PRKCZ: variants seen among roughly 807,000 people sequenced by gnomAD.
PRKCZ encodes the protein protein kinase C zeta, also known as protein kinase C zeta type.
In PRKCZ, 33 loss-of-function variants were observed where a neutral mutation model predicts 79.5. That is an observed-to-expected ratio of 0.41 (90% CI 0.31 to 0.55). The LOEUF is 0.55. Among genes scored for constraint, PRKCZ ranks in the 20% least tolerant of loss-of-function variants. The pLI, the probability that PRKCZ is intolerant of heterozygous loss-of-function variation, is 0.19. For missense variants in PRKCZ, 578 were observed against 813.5 expected, an observed-to-expected ratio of 0.71 and a Z score of 3.52; for synonymous variants, 342 against 320.9, an observed-to-expected ratio of 1.07 and a Z score of -0.70.
intron 10 of PRKCZ, among the ~76,000 whole-genome samples, chr1:2,159,123 G>T (rs976490630): frequency 7.9e-5 from 12 of 152,150 alleles, no homozygotes; most frequent in African/African-American, 2.9e-4. Context: ...AACGGGGTGA[G>T]CTCCGGGTTG....
intron 4 of PRKCZ, among the ~76,000 whole-genome samples, chr1:2,113,661 G>C (rs1670183732): frequency 6.6e-6 from 1 of 152,194 alleles, no homozygotes; most frequent in African/African-American, 2.4e-5. Flanking sequence ...CTTTCCTCAT[G>C]ATGCACGAAG....
chr1:2,161,972 A>G (rs576626022), intron 10 of PRKCZ, among the ~76,000 whole-genome samples: 1 of 152,118 alleles, frequency 6.6e-6, no homozygotes, highest in Admixed American at 6.5e-5. Context: ...ATCCCATTTT[A>G]ACGTGCAGGA....
chr1:2,157,147 G>C (rs1309905473), intron 10 of PRKCZ, among the ~76,000 whole-genome samples: 1 of 152,132 alleles, frequency 6.6e-6, no homozygotes, highest in Non-Finnish European at 1.5e-5. Flanking sequence ...CGGTAGTCAG[G>C]GAAACGCAGC....
chr1:2,157,957 C>T (rs1287772727), intron 10 of PRKCZ, among the ~76,000 whole-genome samples: 1 of 152,200 alleles, frequency 6.6e-6, no homozygotes, highest in African/African-American at 2.4e-5. Context: ...GTCCTAGGCC[C>T]TGGGTGCAAC....
At chr1:2,057,577 A>C (rs916469784) in intron 3 of PRKCZ, among the ~76,000 whole-genome samples, 9 of 152,194 alleles carry the variant, frequency 5.9e-5, no homozygotes, top group Non-Finnish European at 1.2e-4. Context: ...TCTAAATTTA[A>C]AGACTAGGCC....
intron 4 of PRKCZ, among the ~76,000 whole-genome samples, chr1:2,114,686 A>G (rs544954498): frequency 6.6e-6 from 1 of 152,242 alleles, no homozygotes; most frequent in South Asian, 2.1e-4. Context: ...AGGCAGGAGA[A>G]TCGCTTGAAC....
chr1:2,061,163 T>C (rs1342230148), intron 4 of PRKCZ, among the ~76,000 whole-genome samples: 4 of 152,316 alleles, frequency 2.6e-5, no homozygotes, highest in Non-Finnish European at 5.9e-5. Flanking sequence ...CTCTGTCCCA[T>C]GTGTGCTGAG....
chr1:2,136,753 C>T (rs1676279293), intron 5 of PRKCZ, among the ~76,000 whole-genome samples: 1 of 152,026 alleles, frequency 6.6e-6, no homozygotes, highest in African/African-American at 2.4e-5. Flanking sequence ...CCGTCCGCAC[C>T]CCAGCCCACC....
chr1:2,085,365 C>T (rs1410401111), intron 4 of PRKCZ, among the ~76,000 whole-genome samples: 7 of 152,234 alleles, frequency 4.6e-5, no homozygotes, highest in South Asian at 2.1e-4. Flanking sequence ...CTTCAGAATG[C>T]GCCTCCAGCC....
chr1:2,106,148 C>T (rs1668365977), intron 4 of PRKCZ, among the ~76,000 whole-genome samples: 2 of 152,220 alleles, frequency 1.3e-5, no homozygotes, highest in South Asian at 2.1e-4. Context: ...AGCAGCCTGA[C>T]ATTTTGTGGA....
intron 4 of PRKCZ, among the ~76,000 whole-genome samples, chr1:2,119,039 G>A (rs149414356): frequency 1.4e-3 from 182 of 134,302 alleles, no homozygotes; most frequent in African/African-American, 5.3e-3. Flanking sequence ...GGTTTAATCA[G>A]ATGTTTTTAT....
rs1010099593 is a variant in PRKCZ, at chr1:2,050,654, G to A, written c.24G>A (p.Lys8=). The change falls in exon 1 of 18, where the codon AAG becomes AAA. Residue 8 remains lysine, a synonymous_variant. Coordinates refer to ENST00000378567, the MANE Select transcript of PRKCZ (RefSeq NM_002744.6). MPSRTGP[K]MEGSGGRVRL... is the part of the protein sequence containing the mutation. ...CCATGCCCAGCAGGACCGGCCCCAAGATGGAAGGGAGCGGCGGCCGCGTCC... is the reference window on the plus strand; with the variant it reads ...CCATGCCCAGCAGGACCGGCCCCAAAATGGAAGGGAGCGGCGGCCGCGTCC... 2.7e-5 allele frequency: 33 copies of A among 1,227,064 alleles called. No homozygotes were observed. Among genetic ancestry groups the A allele is most frequent in the Non-Finnish European group, 3.1e-5 (31 of 984,882 alleles). The allele number at this position is 1,227,064 out of a possible 1,614,324, so 76.0% of individuals were successfully genotyped here.
rs532006811 is a variant in PRKCZ, at chr1:2,156,375, A to G, written c.974+283A>G. On this transcript the variant is annotated intron_variant, in intron 10 of 17. Transcript: ENST00000378567. Reference sequence around the variant, plus strand: ...GGTGCTGGGGCTACAAAAGTAAGCAAAAGAGGTGGATTTCTGTGCTTATTA... The same window carrying G: ...GGTGCTGGGGCTACAAAAGTAAGCAGAAGAGGTGGATTTCTGTGCTTATTA... 5 of 328,900 alleles carry G rather than the reference A, an allele frequency of 1.5e-5. No individual in the cohort carries two copies. In the Admixed American group the frequency reaches 2.1e-4, roughly 14 times the overall value. 20.4% of individuals were successfully genotyped at this position (328,900 alleles called of 1,614,324 possible).
intron 4 of PRKCZ, among the ~76,000 whole-genome samples, chr1:2,060,694 C>A (rs1366051230): frequency 6.6e-6 from 1 of 152,212 alleles, no homozygotes; most frequent in Non-Finnish European, 1.5e-5. Context: ...GGAGGTGGGC[C>A]CTGGCAGGAA....
intron 10 of PRKCZ, among the ~76,000 whole-genome samples, chr1:2,157,855 C>T (rs1423256928): frequency 6.6e-6 from 1 of 152,120 alleles, no homozygotes; most frequent in Non-Finnish European, 1.5e-5. Flanking sequence ...CATGCAGAAG[C>T]ATGTTATATC....
chr1:2,074,062 C>G, intron 4 of PRKCZ: 1 of 1,461,700 alleles, frequency 6.8e-7, no homozygotes, highest in Non-Finnish European at 9.0e-7. Flanking sequence ...TTGCCGCTGC[C>G]TGTGCGCTGC....
intron 1 of PRKCZ, among the ~76,000 whole-genome samples, chr1:2,054,241 T>C (rs977195648): frequency 6.6e-6 from 1 of 152,200 alleles, no homozygotes; most frequent in Non-Finnish European, 1.5e-5. Flanking sequence ...GGCTTCTTTT[T>C]ATAGGCCCTG....
At chr1:2,103,550 T>C (rs1377894251) in intron 4 of PRKCZ, among the ~76,000 whole-genome samples, 7 of 152,136 alleles carry the variant, frequency 4.6e-5, no homozygotes, top group Non-Finnish European at 8.8e-5. Context: ...CATGCAGTCA[T>C]GTACTTTTCC....
chr1:2,121,669 T>C (rs796497579), intron 4 of PRKCZ, among the ~76,000 whole-genome samples: 1,651 of 25,584 alleles, frequency 0.065, 185 homozygotes, highest in East Asian at 0.16. Flanking sequence ...GTTAGGGTCG[T>C]GGTGGTGGTT....
Sources: gnomAD v4.1 joint callset for allele counts (sites outside exome capture counted in the v4.1 genomes callset) on GRCh38, gnomAD v4.1.1 for gene constraint, MANE v1.5 for transcripts, NCBI Gene and HGNC (gene_info 2026-07-23, HGNC 2026-07-21) for gene names.